The following FNDC3A variants were observed in gnomAD, a reference collection of about 807,000 sequenced individuals.
FNDC3A encodes fibronectin type-III domain-containing protein 3A.
Under a neutral mutation model 148.9 loss-of-function variants are expected in FNDC3A, and 32 were observed. That is an observed-to-expected ratio of 0.21 (90% CI 0.16 to 0.29). The LOEUF (loss-of-function observed/expected upper bound fraction) is 0.29. FNDC3A is among the 10% of genes least tolerant of loss of function. FNDC3A has a pLI of 1.00. For synonymous variants in FNDC3A, 472 were observed against 473.6 expected (o/e 1.00, Z 0.04); for missense variants, 1,191 against 1,452.8 (o/e 0.82, Z 2.93).
At chr13:49,045,130 C>CTTTTTT (rs1392588830) in intron 2 of FNDC3A, 1 of 187,746 alleles carries the variant, frequency 5.3e-6, no homozygotes, top group Non-Finnish European at 1.1e-5. Context: ...TTTCCCTTTC[C>CTTTTTT]CTTTCCCTTT....
At chr13:49,125,710 C>T (rs1388144703) in intron 4 of FNDC3A, among the ~76,000 whole-genome samples, 1 of 152,142 alleles carries the variant, frequency 6.6e-6, no homozygotes, top group Non-Finnish European at 1.5e-5. Flanking sequence ...GTGCTAGGTA[C>T]TATTCCAGGT....
At chr13:49,040,217 A>G (rs1874820042) in intron 2 of FNDC3A, among the ~76,000 whole-genome samples, 1 of 152,248 alleles carries the variant, frequency 6.6e-6, no homozygotes, top group Non-Finnish European at 1.5e-5. Flanking sequence ...TGTAATTATT[A>G]GTAGTACTGA....
At position 49,199,413 on chromosome 13, in the gene FNDC3A, C is replaced by T. The variant is rs571741237; in HGVS notation, c.2987+839C>T. ...CGCGATCTCGGCTCACTGCAATCTC[C>T]GCCTCTCAGGTTCAAACAATTCCCC... On this transcript the variant is annotated intron_variant, in intron 23 of 25. Coordinates refer to ENST00000492622, the MANE Select transcript of FNDC3A (RefSeq NM_001079673.2). Among the ~76,000 whole-genome samples the T allele has an allele frequency of 9.9e-5, 15 of 151,574 alleles. No individual in the cohort carries two copies. In the South Asian group the frequency reaches 1.9e-3, roughly 19 times the overall value.
chr13:49,100,480 A>G (rs574605588), intron 3 of FNDC3A, among the ~76,000 whole-genome samples: 19 of 152,256 alleles, frequency 1.2e-4, no homozygotes, highest in African/African-American at 4.3e-4. Flanking sequence ...AGATGTAGGG[A>G]TATTTCATCA....
At chr13:48,990,775 C>T (rs1951901492) in intron 1 of FNDC3A, among the ~76,000 whole-genome samples, 1 of 151,930 alleles carries the variant, frequency 6.6e-6, no homozygotes. Flanking sequence ...AAAATGACAA[C>T]ATGAGGTTTA....
chr13:48,983,020 A>T lies in FNDC3A; in HGVS notation c.-40+6843A>T, dbSNP rs186017914. On this transcript the variant is annotated intron_variant, in intron 1 of 25. Transcript: ENST00000492622. ...CATACCTAATCATTGTCACTCAGGC[A>T]TCCTGCATATCATTCATTTATTCAT... is the stretch of plus-strand genomic sequence containing the variant. Among the ~76,000 whole-genome samples, 92 of 152,198 alleles carry T rather than the reference A, an allele frequency of 6.0e-4. 1 individual carries two copies. The highest frequency in any genetic ancestry group is 5.4e-3 in the Admixed American group (82 of 15,270).
chr13:49,047,264 G>T (rs1326759451), intron 2 of FNDC3A, among the ~76,000 whole-genome samples: 1 of 151,744 alleles, frequency 6.6e-6, no homozygotes, highest in African/African-American at 2.4e-5. Context: ...GTTGCGAATT[G>T]TGCTGCTATA....
chr13:49,023,623 A>G (rs1210947561), intron 2 of FNDC3A, among the ~76,000 whole-genome samples: 2 of 151,962 alleles, frequency 1.3e-5, no homozygotes, highest in Non-Finnish European at 2.9e-5. Context: ...CCAAACTCTG[A>G]TTCAGAGTGA....
intron 2 of FNDC3A, among the ~76,000 whole-genome samples, chr13:49,019,084 A>C (rs1286924003): frequency 6.6e-6 from 1 of 152,230 alleles, no homozygotes; most frequent in Non-Finnish European, 1.5e-5. Context: ...CCAGAGGTGG[A>C]GCCTACAGCG....
At chr13:49,012,254 C>T (rs1409635510) in intron 2 of FNDC3A, among the ~76,000 whole-genome samples, 1 of 152,084 alleles carries the variant, frequency 6.6e-6, no homozygotes, top group Non-Finnish European at 1.5e-5. Context: ...GCTGGGACTA[C>T]AGGCGCCTGC....
At position 49,179,179 on chromosome 13, in the gene FNDC3A, G is replaced by A. The variant is rs939419431; in HGVS notation, c.1617+525G>A. Among the ~76,000 whole-genome samples the A allele has an allele frequency of 5.9e-5, 9 of 152,108 alleles. No homozygotes were observed. In the East Asian group the frequency reaches 1.5e-3, roughly 26 times the overall value. On this transcript the variant is annotated intron_variant, in intron 14 of 25. Transcript: ENST00000492622. ...ATATATTTAACAACCAATTTATATG[G>A]CTCTTATTTGTGTAATGTGACCAAA...
At chr13:49,101,790 T>C (rs1234750872) in intron 3 of FNDC3A, among the ~76,000 whole-genome samples, 1 of 150,392 alleles carries the variant, frequency 6.6e-6, no homozygotes, top group East Asian at 1.9e-4. Flanking sequence ...CTATACCTGC[T>C]TTAGTTTTTT....
Position 49,205,410 on chromosome 13 carries a change from TTC to T in FNDC3A, c.3283-1669_3283-1668del, listed in dbSNP as rs528430058. Among the ~76,000 whole-genome samples the T allele has an allele frequency of 6.6e-5, 10 of 152,322 alleles. No individual in the cohort carries two copies. The South Asian group carries it at 2.1e-3, about 32-fold the overall frequency. ...TTTTACACTACTTTATCATACAACA[TTC>T]TGTTTTAAGTGAATCCTTTTACAGG... On this transcript the variant is annotated intron_variant, in intron 25 of 25. Transcript: ENST00000492622.
chr13:49,091,504 C>G lies in FNDC3A; in HGVS notation c.175+16140C>G, dbSNP rs564903080. On this transcript the variant is annotated intron_variant, in intron 3 of 25. Transcript: ENST00000492622. ...ATCACACATCTGGCCATTTCTACTT[C>G]CATGCAGAGTACACAACCAGTTGCA... 4.6e-5 allele frequency among the ~76,000 whole-genome samples: 7 copies of G among 152,338 alleles called. No homozygotes were observed. The South Asian group carries it at 1.4e-3, about 32-fold the overall frequency.
chr13:49,009,648 T>C lies in FNDC3A; in HGVS notation c.99+3359T>C, dbSNP rs556078679. ...GCCTGCATGAATGTGTGTGCCCTGTTAGAACCTCCAAACCAGTTTTATAGA... is the reference window on the plus strand; with the variant it reads ...GCCTGCATGAATGTGTGTGCCCTGTCAGAACCTCCAAACCAGTTTTATAGA... On this transcript the variant is annotated intron_variant, in intron 2 of 25. Coordinates refer to ENST00000492622, the MANE Select transcript of FNDC3A (RefSeq NM_001079673.2). Among the ~76,000 whole-genome samples, 7 of 152,336 alleles carry C rather than the reference T, an allele frequency of 4.6e-5. No homozygotes were observed. In the East Asian group the frequency reaches 1.2e-3, roughly 25 times the overall value.
chr13:49,170,671 AT>A (rs999889578), intron 10 of FNDC3A, among the ~76,000 whole-genome samples: 5 of 152,102 alleles, frequency 3.3e-5, no homozygotes, highest in Non-Finnish European at 5.9e-5. Context: ...ATCTGGGATG[AT>A]TTATTTGGTT....
chr13:49,181,179 A>G (rs1593716415), intron 14 of FNDC3A, among the ~76,000 whole-genome samples: 1 of 152,318 alleles, frequency 6.6e-6, no homozygotes, highest in South Asian at 2.1e-4. Context: ...CTCCAAGGAG[A>G]CAGTAGGCTG....
intron 3 of FNDC3A, among the ~76,000 whole-genome samples, chr13:49,108,365 C>A (rs1880334438): frequency 6.6e-6 from 1 of 152,104 alleles, no homozygotes; most frequent in African/African-American, 2.4e-5. Flanking sequence ...GGAACTTTAG[C>A]ATGAAACAGG....
rs767601099 is a variant in FNDC3A, at chr13:49,138,791, A to T, written c.805A>T (p.Ile269Phe). The change falls in exon 7 of 26, where the codon ATT becomes TTT. Residue 269 changes from isoleucine (I) to phenylalanine (F), a missense_variant. This residue lies in a region of FNDC3A where 426 missense variants were observed against 473.2 expected (regional missense o/e 0.90). Transcript: ENST00000492622. ...TKAFEALLSNIVKPVASDIQA... is the reference protein window; with the variant it reads ...TKAFEALLSNFVKPVASDIQA... ...AGCATTTGAAGCACTTCTTTCCAAC[A>T]TTGTCAAACCAGTGGTAAGTATCTT... 4 of 1,505,356 alleles carry T rather than the reference A, an allele frequency of 2.7e-6. No homozygotes were observed. Among genetic ancestry groups the T allele is most frequent in the Non-Finnish European group, 2.7e-6 (3 of 1,096,912 alleles). The allele number at this position is 1,505,356 out of a possible 1,614,324, so 93.2% of individuals were successfully genotyped here.
Sources: gnomAD v4.1 joint callset for allele counts (sites outside exome capture counted in the v4.1 genomes callset) on GRCh38, gnomAD v4.1.1 for gene constraint, gnomAD v4.1.1 regional missense constraint, MANE v1.5 for transcripts, NCBI Gene and HGNC (gene_info 2026-07-23, HGNC 2026-07-21) for gene names.